HTR4: variants seen among roughly 807,000 people sequenced by gnomAD.
HTR4 encodes the protein 5-hydroxytryptamine receptor 4.
Under a neutral mutation model 36.8 loss-of-function variants are expected in HTR4, and 16 were observed. That is an observed-to-expected ratio of 0.43 (90% CI 0.29 to 0.66). The LOEUF is 0.66. Among genes scored for constraint, HTR4 ranks in the 30% least tolerant of loss-of-function variants. The pLI, the probability that HTR4 is intolerant of heterozygous loss-of-function variation, is 0.13. For synonymous variants in HTR4, 189 were observed against 185.1 expected (o/e 1.02, Z -0.17); for missense variants, 438 against 490.9 (o/e 0.89, Z 1.02).
chr5:148,468,000 C>T (rs914479592), intron 5 of HTR4, among the ~76,000 whole-genome samples: 10 of 152,206 alleles, frequency 6.6e-5, no homozygotes, highest in African/African-American at 2.2e-4. Context: ...ACAGCCTATT[C>T]TAGAAGGTCA....
rs185075262 is a variant in HTR4, at chr5:148,578,500, T to G, written c.27-28238A>C. Among the ~76,000 whole-genome samples the G allele has an allele frequency of 2.0e-5, 3 of 152,196 alleles. No homozygotes were observed. In the East Asian group the frequency reaches 5.8e-4, roughly 29 times the overall value. On this transcript the variant is annotated intron_variant, in intron 2 of 6. Transcript: ENST00000377888. Reference sequence around the variant, plus strand: ...TAAACGATAATCTAACATGCATACTTTCAATGAACATCATGTCTTAACCAT... The same window carrying G: ...TAAACGATAATCTAACATGCATACTGTCAATGAACATCATGTCTTAACCAT...
chr5:148,551,669 G>T (rs1403999288), intron 2 of HTR4, among the ~76,000 whole-genome samples: 2 of 152,134 alleles, frequency 1.3e-5, no homozygotes, highest in Non-Finnish European at 2.9e-5. Flanking sequence ...CAATCTTTTG[G>T]CTTCCCTGGT....
At position 148,543,682 on chromosome 5, in the gene HTR4, T is replaced by C. The variant is rs571525094; in HGVS notation, c.353+4986A>G. Among the ~76,000 whole-genome samples, 5 of 152,320 alleles carry C rather than the reference T, an allele frequency of 3.3e-5. No homozygotes were observed. In the East Asian group the frequency reaches 9.7e-4, roughly 29 times the overall value. Reference sequence around the variant, plus strand: ...ACATTATGTTCTACTTGTGAACTGATGGCATTTTCTACAATGCTCAGGTAT... The same window carrying C: ...ACATTATGTTCTACTTGTGAACTGACGGCATTTTCTACAATGCTCAGGTAT... On this transcript the variant is annotated intron_variant, in intron 4 of 6. Coordinates refer to ENST00000377888, the MANE Select transcript of HTR4 (RefSeq NM_000870.7).
chr5:148,553,213 C>CA (rs150397325), intron 2 of HTR4, among the ~76,000 whole-genome samples: 4,157 of 149,922 alleles, frequency 0.028, 179 homozygotes, highest in African/African-American at 0.095. Flanking sequence ...CAGTCCATGG[C>CA]AAAAAAAAAT....
intron 6 of HTR4, among the ~76,000 whole-genome samples, chr5:148,488,110 A>T (rs1161270698): frequency 6.6e-6 from 1 of 152,214 alleles, no homozygotes; most frequent in African/African-American, 2.4e-5. Flanking sequence ...ATTTGTAATA[A>T]GTTATCAGCA....
chr5:148,534,796 T>C (rs1015659368), intron 4 of HTR4, among the ~76,000 whole-genome samples: 1 of 152,034 alleles, frequency 6.6e-6, no homozygotes, highest in African/African-American at 2.4e-5. Flanking sequence ...TCAATCTCTC[T>C]GGGGTGGAGC....
chr5:148,584,706 G>A (rs1000530340), intron 2 of HTR4, among the ~76,000 whole-genome samples: 6 of 152,122 alleles, frequency 3.9e-5, no homozygotes, highest in Non-Finnish European at 5.9e-5. Context: ...CTCCCTGGCT[G>A]CCAGGAGCAA....
At chr5:148,576,110 C>CAAAAAAAAAAAAAAAAA (rs781780161) in intron 2 of HTR4, among the ~76,000 whole-genome samples, 15 of 32,698 alleles carry the variant, frequency 4.6e-4, no homozygotes, top group Non-Finnish European at 5.4e-4. Context: ...GACTCCGTCT[C>CAAAAAAAAAAAAAAAAA]AAAAAAAAAA....
Position 148,636,851 on chromosome 5 carries a change from G to C in HTR4, c.26+138C>G, listed in dbSNP as rs974781354. ...AAAACACTAATAATCAAACAGTACTGTGAACATGATTATATATGAAACATC... is the reference window on the plus strand; with the variant it reads ...AAAACACTAATAATCAAACAGTACTCTGAACATGATTATATATGAAACATC... On this transcript the variant is annotated intron_variant, in intron 2 of 6. Coordinates refer to ENST00000377888, the MANE Select transcript of HTR4 (RefSeq NM_000870.7). 5.1e-6 allele frequency: 3 copies of C among 593,172 alleles called. No homozygotes were observed. The African/African-American group carries it at 5.7e-5, about 11-fold the overall frequency. 36.7% of individuals were successfully genotyped at this position (593,172 alleles called of 1,614,324 possible). A position where few individuals can be genotyped will look rare whatever the true frequency, so the allele number is the denominator to read the frequency against.
At chr5:148,548,318 G>A (rs1039229474) in intron 4 of HTR4, among the ~76,000 whole-genome samples, 3 of 152,174 alleles carry the variant, frequency 2.0e-5, no homozygotes, top group Non-Finnish European at 4.4e-5. Context: ...CTGGGAAGAT[G>A]TACTCATTCT....
intron 4 of HTR4, among the ~76,000 whole-genome samples, chr5:148,532,153 G>C (rs6865878): frequency 0.035 from 5,286 of 152,234 alleles, 116 homozygotes; most frequent in African/African-American, 0.056. Context: ...CACAAGGACA[G>C]CACTATGTTC....
intron 4 of HTR4, 69 bp downstream of exon 4, chr5:148,548,599 C>T: frequency 1.6e-6 from 2 of 1,221,310 alleles, no homozygotes; most frequent in Non-Finnish European, 2.4e-6. Context: ...AAAAGGCAGA[C>T]ACTGCCCAAT....
chr5:148,552,767 C>A (rs903415446), intron 2 of HTR4, among the ~76,000 whole-genome samples: 1 of 152,176 alleles, frequency 6.6e-6, no homozygotes, highest in Admixed American at 6.5e-5. Context: ...ACTACAATCT[C>A]CAGTGTCTGG....
intron 5 of HTR4, among the ~76,000 whole-genome samples, chr5:148,457,114 A>T (rs1755118872): frequency 6.6e-6 from 1 of 151,926 alleles, no homozygotes; most frequent in African/African-American, 2.4e-5. Flanking sequence ...TTATCTGTAA[A>T]TGGCTTTACA....
rs1216446172 is a variant in HTR4 at position 148,504,704 on chromosome 5, A to T, written c.1076+4752T>A. Among the ~76,000 whole-genome samples the T allele has an allele frequency of 2.0e-5, 3 of 152,200 alleles. No homozygotes were observed. The East Asian group carries it at 5.8e-4, about 29-fold the overall frequency. ...CCTTCAAAAAATCAATGAATCCAGGAGCTGGTTTTTTGAAAAGATCAACAA... is the reference window on the plus strand; with the variant it reads ...CCTTCAAAAAATCAATGAATCCAGGTGCTGGTTTTTTGAAAAGATCAACAA... On this transcript the variant is annotated intron_variant, in intron 6 of 6. Transcript: ENST00000377888.
intron 3 of HTR4, 48 bp downstream of exon 3, chr5:148,550,089 A>T (rs767166481): frequency 6.2e-6 from 10 of 1,606,644 alleles, no homozygotes; most frequent in Non-Finnish European, 8.5e-6. Context: ...CTCTAGGGAC[A>T]GCTCAGAACT....
At chr5:148,475,533 C>A (rs73266453), downstream of HTR4, among the ~76,000 whole-genome samples, 788 of 152,262 alleles carry the variant, frequency 5.2e-3, 5 homozygotes, top group African/African-American at 0.017. Context: ...ATTTTCCATG[C>A]GTGCAGATTA....
At chr5:148,637,160 T>C (rs1275859140) in intron 1 of HTR4, 99 bp from the exon 2 acceptor site, 7 of 748,250 alleles carry the variant, frequency 9.4e-6, no homozygotes, top group South Asian at 1.8e-5. Flanking sequence ...CTTCCTATTA[T>C]GACTTGTTTT....
chr5:148,514,377 C>CT (rs1252630442), intron 5 of HTR4, among the ~76,000 whole-genome samples: 1 of 152,020 alleles, frequency 6.6e-6, no homozygotes, highest in Admixed American at 6.6e-5. Flanking sequence ...GTTTTCTCCC[C>CT]TTTTTTTATT....
Sources: gnomAD v4.1 joint callset for allele counts (sites outside exome capture counted in the v4.1 genomes callset) on GRCh38, gnomAD v4.1.1 for gene constraint, MANE v1.5 for transcripts, NCBI Gene and HGNC (gene_info 2026-07-23, HGNC 2026-07-21) for gene names.